EPHA5: variants seen among roughly 807,000 people sequenced by gnomAD.
The protein encoded by EPHA5 is EPH receptor A5.
EPHA5 carries 60 observed loss-of-function variants against 105.0 expected under a neutral mutation model. The ratio of observed to expected loss-of-function variants is 0.57; its 90% CI spans 0.46 to 0.71. EPHA5 has a LOEUF of 0.71. Ranked by LOEUF, EPHA5 falls within the 30% of genes least tolerant of loss-of-function variation. The pLI is 0.00. For synonymous variants in EPHA5, 513 were observed against 449.1 expected (o/e 1.14, Z -1.80); for missense variants, 1,218 against 1,274.7 (o/e 0.96, Z 0.68).
At chr4:65,412,257 C>A (rs1478736634) in intron 7 of EPHA5, among the ~76,000 whole-genome samples, 1 of 152,056 alleles carries the variant, frequency 6.6e-6, no homozygotes, top group Non-Finnish European at 1.5e-5. Flanking sequence ...AAAACTATTA[C>A]TCTAAAATGC....
intron 5 of EPHA5, among the ~76,000 whole-genome samples, chr4:65,453,952 T>C (rs192987110): frequency 2.0e-4 from 25 of 128,192 alleles, no homozygotes; most frequent in Middle Eastern, 3.9e-3. Context: ...GAATTGAGTT[T>C]GCTGCAGACC....
intron 3 of EPHA5, among the ~76,000 whole-genome samples, chr4:65,559,319 T>C (rs916513015): frequency 2.6e-5 from 4 of 152,108 alleles, no homozygotes; most frequent in Admixed American, 6.6e-5. Context: ...TTTTCATAAA[T>C]TTGACGATCA....
chr4:65,520,949 T>C (rs370302717), intron 3 of EPHA5, among the ~76,000 whole-genome samples: 5 of 152,116 alleles, frequency 3.3e-5, no homozygotes, highest in Admixed American at 1.3e-4. Context: ...GCTTCAACCA[T>C]TGTGGAAGAC....
At chr4:65,624,428 T>C (rs891953910) in intron 2 of EPHA5, among the ~76,000 whole-genome samples, 2 of 152,192 alleles carry the variant, frequency 1.3e-5, no homozygotes, top group Non-Finnish European at 2.9e-5. Flanking sequence ...TGCGACATGC[T>C]GCCTACAGAC....
chr4:65,442,098 G>T (rs1726070564), intron 5 of EPHA5, among the ~76,000 whole-genome samples: 2 of 152,130 alleles, frequency 1.3e-5, no homozygotes, highest in Admixed American at 1.3e-4. Context: ...TTTATAAGAA[G>T]AGGTTATGAC....
At chr4:65,343,843 C>G (rs1187461858) in intron 14 of EPHA5, among the ~76,000 whole-genome samples, 1 of 117,168 alleles carries the variant, frequency 8.5e-6, no homozygotes, top group African/African-American at 3.6e-5. Context: ...CAAGTAAAAG[C>G]CAAAATATTA....
At chr4:65,494,558 CA>C (rs1240232198) in intron 4 of EPHA5, among the ~76,000 whole-genome samples, 1 of 152,146 alleles carries the variant, frequency 6.6e-6, no homozygotes, top group Non-Finnish European at 1.5e-5. Flanking sequence ...AACAAATGCA[CA>C]AATGTGTTAC....
intron 5 of EPHA5, among the ~76,000 whole-genome samples, chr4:65,433,636 A>C (rs1725204244): frequency 6.6e-6 from 1 of 152,198 alleles, no homozygotes; most frequent in East Asian, 1.9e-4. Context: ...TCTAGAGGTC[A>C]GAAGTCTAAA....
intron 14 of EPHA5, among the ~76,000 whole-genome samples, chr4:65,342,222 T>C (rs66924406): frequency 0.16 from 24,854 of 151,930 alleles, 2,169 homozygotes; most frequent in East Asian, 0.33. Context: ...AACTGATAAT[T>C]TTTTATGTGT....
intron 8 of EPHA5, among the ~76,000 whole-genome samples, chr4:65,382,387 C>G: frequency 6.6e-6 from 1 of 151,450 alleles, no homozygotes; most frequent in East Asian, 1.9e-4. Context: ...AGTTCTTCCT[C>G]CACGAATGCC....
chr4:65,541,711 G>T (rs1243854434), intron 3 of EPHA5, among the ~76,000 whole-genome samples: 2 of 151,838 alleles, frequency 1.3e-5, no homozygotes, highest in African/African-American at 4.8e-5. Flanking sequence ...CAATTAACAA[G>T]GATATTCAGG....
At chr4:65,450,521 CTGGTAGACACTTG>C (rs1726964851) in intron 5 of EPHA5, among the ~76,000 whole-genome samples, 1 of 152,148 alleles carries the variant, frequency 6.6e-6, no homozygotes, top group Non-Finnish European at 1.5e-5. Flanking sequence ...AATGTAAAAT[CTGGTAGACACTTG>C]TTTCATTTTC....
intron 5 of EPHA5, among the ~76,000 whole-genome samples, chr4:65,470,888 CA>C: frequency 6.6e-6 from 1 of 152,224 alleles, no homozygotes; most frequent in East Asian, 1.9e-4. Flanking sequence ...AATAGATAGA[CA>C]ATATTGAAAC....
intron 5 of EPHA5, among the ~76,000 whole-genome samples, chr4:65,476,074 C>T (rs1729766837): frequency 6.7e-6 from 1 of 150,136 alleles, no homozygotes; most frequent in African/African-American, 2.5e-5. Context: ...GAATGTCAGA[C>T]AAACACTCCC....
chr4:65,507,421 A>C (rs1309134143), intron 3 of EPHA5, among the ~76,000 whole-genome samples: 1 of 152,062 alleles, frequency 6.6e-6, no homozygotes, highest in African/African-American at 2.4e-5. Flanking sequence ...TTGGTAGCTT[A>C]ATGGGGATGG....
chr4:65,508,566 A>G (rs771896724), intron 3 of EPHA5, among the ~76,000 whole-genome samples: 9 of 152,142 alleles, frequency 5.9e-5, no homozygotes, highest in Non-Finnish European at 1.3e-4. Context: ...ACAATTAACT[A>G]TGTGCTATTT....
rs1371426108 is a variant in EPHA5 at position 65,428,000 on chromosome 4, T to C, written c.1403-7435A>G. On this transcript the variant is annotated intron_variant, in intron 5 of 16. Coordinates refer to ENST00000613740, the MANE Select transcript of EPHA5 (RefSeq NM_001281766.3). ...AGATATAGATAAATCCATATTTTAT[T>C]TTATATATACATATATACACACATC... Among the ~76,000 whole-genome samples the C allele has an allele frequency of 3.9e-5, 6 of 152,104 alleles. No homozygotes were observed. In the East Asian group the frequency reaches 1.2e-3, roughly 29 times the overall value.
chr4:65,434,317 G>T (rs1578109316), intron 5 of EPHA5, among the ~76,000 whole-genome samples: 1 of 151,582 alleles, frequency 6.6e-6, no homozygotes, highest in Admixed American at 6.6e-5. Context: ...TTTTTTTTAA[G>T]AAGAGCATCA....
At chr4:65,431,589 G>T (rs527907389) in intron 5 of EPHA5, among the ~76,000 whole-genome samples, 1 of 151,604 alleles carries the variant, frequency 6.6e-6, no homozygotes. Flanking sequence ...TCCTCTTCCC[G>T]ACCTCCCTCC....
Sources: allele counts gnomAD v4.1 joint callset (sites outside exome capture counted in the v4.1 genomes callset), GRCh38; gene constraint gnomAD v4.1.1; transcripts MANE v1.5; gene names NCBI Gene and HGNC (gene_info 2026-07-23, HGNC 2026-07-21).